Variants in EPB41L4A observed in about 807,000 individuals in gnomAD.
The protein encoded by EPB41L4A is erythrocyte membrane protein band 4.1 like 4A.
A neutral mutation model predicts 108.6 loss-of-function variants in EPB41L4A; 100 were observed. That is an observed-to-expected ratio of 0.92 (90% CI 0.78 to 1.09). The LOEUF (loss-of-function observed/expected upper bound fraction) is 1.09, where lower values mean the gene tolerates loss of function less well. Ranked by LOEUF, EPB41L4A falls within the 50% of genes least tolerant of loss-of-function variation. EPB41L4A has a pLI of 0.00. For synonymous variants in EPB41L4A, 319 were observed against 289.0 expected (o/e 1.10, Z -1.05); for missense variants, 1,030 against 842.7 (o/e 1.22, Z -2.75).
At chr5:112,234,556 A>G (rs1749191497) in intron 12 of EPB41L4A, 78 bp downstream of exon 12, 3 of 1,380,174 alleles carry the variant, frequency 2.2e-6, no homozygotes, top group East Asian at 4.7e-5. Context: ...AGTTATAGAC[A>G]TCACCTGAGT....
chr5:112,407,791 C>T (rs1475019051), intron 1 of EPB41L4A, among the ~76,000 whole-genome samples: 1 of 152,142 alleles, frequency 6.6e-6, no homozygotes, highest in East Asian at 1.9e-4. Flanking sequence ...TTTTAAGTTA[C>T]AAAAGCATTA....
intron 15 of EPB41L4A, among the ~76,000 whole-genome samples, chr5:112,203,850 T>C (rs1172565539): frequency 1.3e-5 from 2 of 152,032 alleles, no homozygotes; most frequent in Non-Finnish European, 2.9e-5. Flanking sequence ...GAGACCAGCC[T>C]GACCAACATG....
Position 112,276,227 on chromosome 5 carries a change from AC to A in EPB41L4A, c.257-824del, listed in dbSNP as rs375160438. 5.4e-3 allele frequency among the ~76,000 whole-genome samples: 826 copies of A among 152,292 alleles called. 16 individuals carry two copies. The highest frequency in any genetic ancestry group is 0.053 in the South Asian group (258 of 4,828). On this transcript the variant is annotated intron_variant, in intron 3 of 22. Coordinates refer to ENST00000261486, the MANE Select transcript of EPB41L4A (RefSeq NM_022140.5). Reference sequence around the variant, plus strand: ...AATGTGTTCTCACGTATTTAAGAAAACCTTTCTCATCTCATTAATTTACCAA... The same window carrying A: ...AATGTGTTCTCACGTATTTAAGAAAACTTTCTCATCTCATTAATTTACCAA...
rs1750958739 is a variant in EPB41L4A at position 112,254,864 on chromosome 5, C to T, written c.795+4365G>A. ...CCCTCCGGAATTCATGACCTCTCATCAGCAAACCCCCTCACTCCTCAGTCT... is the reference window on the plus strand; with the variant it reads ...CCCTCCGGAATTCATGACCTCTCATTAGCAAACCCCCTCACTCCTCAGTCT... On this transcript the variant is annotated intron_variant, in intron 9 of 22. Transcript: ENST00000261486. Among the ~76,000 whole-genome samples the T allele has an allele frequency of 2.0e-5, 3 of 152,056 alleles. No homozygotes were observed. The South Asian group carries it at 6.2e-4, about 31-fold the overall frequency.
chr5:112,408,364 G>A (rs1406409666), intron 1 of EPB41L4A, among the ~76,000 whole-genome samples: 2 of 151,972 alleles, frequency 1.3e-5, no homozygotes, highest in Non-Finnish European at 2.9e-5. Flanking sequence ...ACTGGACTTC[G>A]TCAAAATCAA....
chr5:112,274,959 G>A lies in EPB41L4A; in HGVS notation c.335+367C>T, dbSNP rs1420099058. On this transcript the variant is annotated intron_variant, in intron 4 of 22. Coordinates refer to ENST00000261486, the MANE Select transcript of EPB41L4A (RefSeq NM_022140.5). ...CAATTAAAAAGAAATACCTGGCTGG[G>A]CAAATGTATATTTAGAAGTACAAAC... Among the ~76,000 whole-genome samples, 4 of 152,164 alleles carry A rather than the reference G, an allele frequency of 2.6e-5. No individual in the cohort carries two copies. The South Asian group carries it at 6.2e-4, about 24-fold the overall frequency.
At chr5:112,225,925 T>C (rs1561490091) in intron 12 of EPB41L4A, among the ~76,000 whole-genome samples, 1 of 152,236 alleles carries the variant, frequency 6.6e-6, no homozygotes, top group Non-Finnish European at 1.5e-5. Flanking sequence ...ACATTGAGAA[T>C]TACAGCATCT....
intron 1 of EPB41L4A, among the ~76,000 whole-genome samples, chr5:112,403,775 C>CA (rs1761927915): frequency 6.6e-6 from 1 of 152,202 alleles, no homozygotes; most frequent in Non-Finnish European, 1.5e-5. Context: ...GCCTAAGCTT[C>CA]ATTTTTGAAA....
intron 13 of EPB41L4A, among the ~76,000 whole-genome samples, chr5:112,208,123 G>A (rs1762557440): frequency 6.6e-6 from 1 of 151,424 alleles, no homozygotes; most frequent in Non-Finnish European, 1.5e-5. Context: ...GCACACGCCT[G>A]TAGTCCCAGC....
intron 1 of EPB41L4A, among the ~76,000 whole-genome samples, chr5:112,341,753 A>AAT (rs1554100395): frequency 2.7e-5 from 4 of 149,362 alleles, no homozygotes; most frequent in Admixed American, 2.7e-4. Context: ...CACTATTTAA[A>AAT]ACACACACAC....
intron 1 of EPB41L4A, among the ~76,000 whole-genome samples, chr5:112,317,276 C>A (rs1273363221): frequency 6.6e-6 from 1 of 152,174 alleles, no homozygotes; most frequent in Non-Finnish European, 1.5e-5. Flanking sequence ...TCATCTTGAT[C>A]ATCTATATAA....
intron 1 of EPB41L4A, among the ~76,000 whole-genome samples, chr5:112,351,119 A>C (rs898039771): frequency 6.6e-6 from 1 of 152,210 alleles, no homozygotes; most frequent in Non-Finnish European, 1.5e-5. Flanking sequence ...AGTCAAAGGA[A>C]AGATATAATA....
intron 1 of EPB41L4A, among the ~76,000 whole-genome samples, chr5:112,406,999 T>A (rs1341180434): frequency 6.6e-6 from 1 of 152,080 alleles, no homozygotes; most frequent in African/African-American, 2.4e-5. Context: ...TTGGGTAGCA[T>A]CGTGGGGCTG....
At chr5:112,148,790 T>A (rs1759359937) in intron 12 of EPB41L4A, among the ~76,000 whole-genome samples, 1 of 152,228 alleles carries the variant, frequency 6.6e-6, no homozygotes, top group Non-Finnish European at 1.5e-5. Context: ...AATCTCTTTT[T>A]TGTTTTTTCC....
intron 1 of EPB41L4A, among the ~76,000 whole-genome samples, chr5:112,325,480 T>G (rs1411857395): frequency 6.6e-6 from 1 of 151,348 alleles, no homozygotes; most frequent in Non-Finnish European, 1.5e-5. Flanking sequence ...GATAAATGTG[T>G]GTTGAACTCA....
At chr5:112,403,147 T>G (rs1238590244) in intron 1 of EPB41L4A, among the ~76,000 whole-genome samples, 3 of 152,136 alleles carry the variant, frequency 2.0e-5, no homozygotes, top group Non-Finnish European at 4.4e-5. Context: ...ATTGATCCAC[T>G]GTCAACCTGG....
chr5:112,168,848 G>T, intron 21 of EPB41L4A, 28 bp from the exon 22 acceptor site: 3 of 1,571,542 alleles, frequency 1.9e-6, no homozygotes, highest in Non-Finnish European at 2.6e-6. Context: ...TAGAATTAGT[G>T]ACTGGAACAG....
chr5:112,296,456 T>C (rs1326662854), intron 2 of EPB41L4A, among the ~76,000 whole-genome samples: 1 of 152,058 alleles, frequency 6.6e-6, no homozygotes, highest in African/African-American at 2.4e-5. Context: ...CCCAACTGAA[T>C]GGTCTGAAAA....
chr5:112,193,444 G>A (rs992365968), intron 17 of EPB41L4A, among the ~76,000 whole-genome samples: 4 of 152,188 alleles, frequency 2.6e-5, no homozygotes, highest in Non-Finnish European at 5.9e-5. Flanking sequence ...TGGGATTACA[G>A]GCATGTGCCA....
Sources: allele counts gnomAD v4.1 joint callset (sites outside exome capture counted in the v4.1 genomes callset), GRCh38; gene constraint gnomAD v4.1.1; transcripts MANE v1.5; gene names NCBI Gene and HGNC (gene_info 2026-07-23, HGNC 2026-07-21).